SCMH1: variants seen among roughly 807,000 people sequenced by gnomAD.
The protein encoded by SCMH1 is polycomb protein SCMH1.
SCMH1 carries 37 observed loss-of-function variants against 70.8 expected under a neutral mutation model. That is an observed-to-expected ratio of 0.52 (90% CI 0.40 to 0.69). SCMH1 has a LOEUF of 0.69. Among genes scored for constraint, SCMH1 ranks in the 30% least tolerant of loss-of-function variants. The probability of loss-of-function intolerance (pLI) is 0.00; values close to 1 mark genes in which losing one functional copy is unlikely to be tolerated. For synonymous variants in SCMH1, 292 were observed against 307.4 expected (o/e 0.95, Z 0.52); for missense variants, 607 against 827.3 (o/e 0.73, Z 3.27).
chr1:41,094,406 A>G (rs1334261708), intron 8 of SCMH1, among the ~76,000 whole-genome samples: 1 of 152,194 alleles, frequency 6.6e-6, no homozygotes, highest in Non-Finnish European at 1.5e-5. Flanking sequence ...TAGAGTTAAC[A>G]TTATGAAAAT....
At chr1:41,192,503 C>CACAT (rs143692238) in intron 1 of SCMH1, among the ~76,000 whole-genome samples, 1 of 151,486 alleles carries the variant, frequency 6.6e-6, no homozygotes, top group East Asian at 1.9e-4. Context: ...GAGACACACA[C>CACAT]ACACACACAC....
At chr1:41,132,369 T>C (rs190919038) in intron 6 of SCMH1, among the ~76,000 whole-genome samples, 3 of 152,358 alleles carry the variant, frequency 2.0e-5, no homozygotes, top group Admixed American at 1.3e-4. Context: ...TCTGTTCATA[T>C]CTGTTGCCCA....
rs80272582 is a variant in SCMH1, at chr1:41,078,389, C to G, written c.746-2938G>C. On this transcript the variant is annotated intron_variant, in intron 8 of 14. Coordinates refer to ENST00000337495, the Ensembl canonical transcript of SCMH1. ...AATGAAAGACATCAACCCACAGATT[C>G]AGGATGCTTATGGATTCAGCAATCC... Among the ~76,000 whole-genome samples, 139 of 152,168 alleles carry G rather than the reference C, an allele frequency of 9.1e-4. 2 individuals carry two copies. In the East Asian group the frequency reaches 0.025, roughly 27 times the overall value.
At chr1:41,126,939 T>C (rs1673322137) in intron 6 of SCMH1, among the ~76,000 whole-genome samples, 1 of 152,174 alleles carries the variant, frequency 6.6e-6, no homozygotes, top group South Asian at 2.1e-4. Context: ...TACTGATGAA[T>C]TGTATGCCCT....
chr1:41,107,071 G>A (rs1668136613), intron 8 of SCMH1, among the ~76,000 whole-genome samples: 1 of 151,192 alleles, frequency 6.6e-6, no homozygotes, highest in South Asian at 2.1e-4. Flanking sequence ...CTGCTAGAGA[G>A]AATTTTTTCT....
intron 4 of SCMH1, among the ~76,000 whole-genome samples, chr1:41,156,225 A>C (rs1645530816): frequency 1.3e-5 from 2 of 152,124 alleles, no homozygotes; most frequent in African/African-American, 4.8e-5. Context: ...CTGGCTACTC[A>C]TGTCTGGCTA....
At chr1:41,061,282 T>G (rs1558541770) in intron 10 of SCMH1, among the ~76,000 whole-genome samples, 1 of 152,204 alleles carries the variant, frequency 6.6e-6, no homozygotes, top group Non-Finnish European at 1.5e-5. Flanking sequence ...TGTAAATGAT[T>G]ATTTTTAAAA....
chr1:41,207,616 A>G (rs1259045577), intron 1 of SCMH1, among the ~76,000 whole-genome samples: 2 of 152,208 alleles, frequency 1.3e-5, no homozygotes, highest in African/African-American at 4.8e-5. Flanking sequence ...CCCATTGTCA[A>G]TATTAGACAG....
chr1:41,143,627 T>G (rs1644296029), intron 5 of SCMH1, among the ~76,000 whole-genome samples: 1 of 152,220 alleles, frequency 6.6e-6, no homozygotes, highest in South Asian at 2.1e-4. Flanking sequence ...TCTTGACATA[T>G]GTATATACTC....
intron 8 of SCMH1, among the ~76,000 whole-genome samples, chr1:41,093,987 ATT>A (rs1664387609): frequency 6.6e-6 from 1 of 152,200 alleles, no homozygotes; most frequent in African/African-American, 2.4e-5. Flanking sequence ...CTTGTTAGTC[ATT>A]CTTTCAAGTA....
intron 10 of SCMH1, among the ~76,000 whole-genome samples, chr1:41,049,459 A>T (rs577821828): frequency 6.6e-4 from 100 of 151,820 alleles, no homozygotes; most frequent in South Asian, 2.3e-3. Context: ...TAAAAATTTT[A>T]AAAAAAATTG....
At chr1:41,236,694 G>A (rs895262625) in intron 1 of SCMH1, among the ~76,000 whole-genome samples, 3 of 151,702 alleles carry the variant, frequency 2.0e-5, no homozygotes, top group African/African-American at 7.3e-5. Flanking sequence ...ATTTGCATAT[G>A]ATCTACACAC....
At chr1:41,177,265 G>A (rs1466409757) in intron 2 of SCMH1, among the ~76,000 whole-genome samples, 2 of 152,102 alleles carry the variant, frequency 1.3e-5, no homozygotes, top group Non-Finnish European at 2.9e-5. Context: ...AAGACTAAAG[G>A]TAGATAAAAC....
intron 1 of SCMH1, among the ~76,000 whole-genome samples, chr1:41,195,131 CAAAAAAAAAAAA>C (rs35569635): frequency 3.2e-3 from 85 of 26,246 alleles, no homozygotes; most frequent in African/African-American, 0.012. Context: ...AACTCTCTCT[CAAAAAAAAAAAA>C]AAAAAAAAAA....
rs1646889775 is a variant in SCMH1, at chr1:41,046,324, C to G, written c.1498+83G>C. ...GATAGTAGGTGCCAGGCCAGTAGTT[C>G]TGAAGGCTGACCCTGGGCCCCTGCA... On this transcript the variant is annotated intron_variant, in intron 12 of 14. Coordinates refer to ENST00000337495, the Ensembl canonical transcript of SCMH1. 9.6e-6 allele frequency: 12 copies of G among 1,251,394 alleles called. No individual in the cohort carries two copies. In the East Asian group the frequency reaches 2.6e-4, roughly 27 times the overall value. The allele number at this position is 1,251,394 out of a possible 1,614,324, so 77.5% of individuals were successfully genotyped here.
chr1:41,028,276 A>G (rs1210047811), exon 15 of SCMH1: 1 of 1,613,984 alleles, frequency 6.2e-7, no homozygotes, highest in Non-Finnish European at 8.5e-7. Flanking sequence ...GTACTTCATC[A>G]TCATGTCACT....
chr1:41,034,341 T>C (rs2148541542), intron 13 of SCMH1, among the ~76,000 whole-genome samples: 1 of 151,946 alleles, frequency 6.6e-6, no homozygotes, highest in East Asian at 1.9e-4. Context: ...TCTTTTTTTT[T>C]TTTTGAGACG....
At chr1:41,098,755 C>G (rs1214171259) in intron 8 of SCMH1, 1 of 144,928 alleles carries the variant, frequency 6.9e-6, no homozygotes, top group Admixed American at 7.0e-5. Context: ...CCTCCCTCCC[C>G]CTTCCTCCCC....
Position 41,092,956 on chromosome 1 carries a change from A to T in SCMH1, c.746-17505T>A, listed in dbSNP as rs191317160. 2.0e-3 allele frequency among the ~76,000 whole-genome samples: 299 copies of T among 152,316 alleles called. 1 individual carries two copies. Among genetic ancestry groups the T allele is most frequent in the African/African-American group, 6.9e-3 (287 of 41,558 alleles). On this transcript the variant is annotated intron_variant, in intron 8 of 14. Coordinates refer to ENST00000337495, the Ensembl canonical transcript of SCMH1. ...TAAACTAGTTCAACCATTGTGGAAG[A>T]CAGTGTGGCGATTCCTCAAGGATCT...
Sources: gnomAD v4.1 joint callset for allele counts (sites outside exome capture counted in the v4.1 genomes callset) on GRCh38, gnomAD v4.1.1 for gene constraint, MANE v1.5 for transcripts, NCBI Gene and HGNC (gene_info 2026-07-23, HGNC 2026-07-21) for gene names.